Variants in SLC45A3 observed in about 807,000 individuals in gnomAD.
SLC45A3 encodes the protein solute carrier family 45 member 3.
In SLC45A3, 17 loss-of-function variants were observed where a neutral mutation model predicts 35.3. That is an observed-to-expected ratio of 0.48 (90% CI 0.33 to 0.72). The LOEUF is 0.72. Among genes scored for constraint, SLC45A3 ranks in the 30% least tolerant of loss-of-function variants. The pLI is 0.02. For missense variants in SLC45A3, 597 were observed against 731.7 expected (o/e 0.82, Z 2.12); for synonymous variants, 288 against 334.3 (o/e 0.86, Z 1.51).
In SLC45A3 at chr1:205,658,734, C is replaced by T. The variant is rs1328856816; in HGVS notation, c.*500G>A. 4.2e-6 allele frequency: 1 copy of T among 238,854 alleles called. No homozygotes were observed. The highest frequency in any genetic ancestry group is 2.2e-5 in the African/African-American group (1 of 45,326). 14.8% of individuals were successfully genotyped at this position (238,854 alleles called of 1,614,324 possible). ...CTCAGGACTCTTCCCCTACAAATAACTTTCATATGTTCAAATCCCATGGAG... is the reference window on the plus strand; with the variant it reads ...CTCAGGACTCTTCCCCTACAAATAATTTTCATATGTTCAAATCCCATGGAG... On this transcript the variant is annotated 3_prime_UTR_variant, in exon 5 of 5. Coordinates refer to ENST00000367145, the MANE Select transcript of SLC45A3 (RefSeq NM_033102.3).
intron 4 of SLC45A3, 108 bp downstream of exon 4, chr1:205,661,753 A>C (rs1671027753): frequency 2.1e-6 from 3 of 1,456,714 alleles, no homozygotes; most frequent in African/African-American, 2.8e-5. Context: ...TGATTCAAAG[A>C]AGCATTCTCC....
At position 205,662,521 on chromosome 1, in the gene SLC45A3, A is replaced by C; in HGVS notation, c.958+312T>G. 1 of 1,291,832 alleles carries C rather than the reference A, an allele frequency of 7.7e-7. No homozygotes were observed. Among genetic ancestry groups the C allele is most frequent in the Non-Finnish European group, 9.8e-7 (1 of 1,021,124 alleles). 80.0% of individuals were successfully genotyped at this position (1,291,832 alleles called of 1,614,324 possible). On this transcript the variant is annotated intron_variant, in intron 3 of 4. Transcript: ENST00000367145. This position sits in a 1 kb window ranked among gnomAD's most constrained non-coding sequence, Gnocchi z 6.2. ...GGAGCAGAGGGCACACTGCGGCTGG[A>C]ACCAGGCAGATCTGAAATCCAGCCT...
intron 1 of SLC45A3, among the ~76,000 whole-genome samples, chr1:205,667,599 G>A (rs963034267): frequency 2.0e-5 from 3 of 152,166 alleles, no homozygotes; most frequent in African/African-American, 4.8e-5. Context: ...TCAGGAGGCT[G>A]AGGTGGGAGG....
chr1:205,676,252 G>A (rs1369193426), intron 1 of SLC45A3, among the ~76,000 whole-genome samples: 4 of 152,132 alleles, frequency 2.6e-5, no homozygotes, highest in East Asian at 1.9e-4. Context: ...GGGCAGGGGG[G>A]CACACAGCGA....
intron 1 of SLC45A3, among the ~76,000 whole-genome samples, chr1:205,671,597 G>A (rs986224176): frequency 5.9e-5 from 9 of 152,162 alleles, no homozygotes; most frequent in Admixed American, 3.3e-4. Context: ...GGTGGCTCAC[G>A]CCTGTAATCC....
intron 1 of SLC45A3, among the ~76,000 whole-genome samples, chr1:205,676,688 G>A (rs920017945): frequency 2.0e-5 from 3 of 152,184 alleles, no homozygotes; most frequent in African/African-American, 7.2e-5. Flanking sequence ...CCGTGGAGGG[G>A]AAAACACAGA....
At chr1:205,678,260 T>G (rs1352249904) in intron 1 of SLC45A3, among the ~76,000 whole-genome samples, 1 of 152,158 alleles carries the variant, frequency 6.6e-6, no homozygotes, top group Admixed American at 6.5e-5. Context: ...GAGGCTGCAG[T>G]GAGCTGAGAT....
rs1671166188 is a variant in SLC45A3, at chr1:205,669,225, A to G, written c.-230-4339T>C. Among the ~76,000 whole-genome samples, 1 of 151,940 alleles carries G rather than the reference A, an allele frequency of 6.6e-6. No homozygotes were observed. Among genetic ancestry groups the G allele is most frequent in the Non-Finnish European group, 1.5e-5 (1 of 67,994 alleles). ...CAAAGGTGGTGAGTGGCTCAGATAA[A>G]CCCTCCTGGACTGGAAAGCCCCCAC... On this transcript the variant is annotated intron_variant, in intron 1 of 4. Transcript: ENST00000367145. The surrounding 1 kb of genome is among the most constrained non-coding windows in gnomAD (Gnocchi z 4.1).
chr1:205,660,016 G>A (rs1029834010), intron 4 of SLC45A3, among the ~76,000 whole-genome samples: 12 of 152,282 alleles, frequency 7.9e-5, no homozygotes, highest in South Asian at 4.2e-4. Flanking sequence ...GAATGAAGAC[G>A]GTGGTAAGAG....
intron 1 of SLC45A3, among the ~76,000 whole-genome samples, chr1:205,674,153 A>G (rs1449428161): frequency 7.1e-6 from 1 of 141,392 alleles, no homozygotes; most frequent in African/African-American, 2.6e-5. Flanking sequence ...CCTAGAGGGA[A>G]TGGCCATGTT....
At position 205,663,275 on chromosome 1, in the gene SLC45A3, G is replaced by A. The variant is rs1342666522; in HGVS notation, c.516C>T (p.Gly172=). ...TGGCAGGCAGGAGGTAGCCCAGGCA[G>A]CCCCCAAGACTGATCATGAAGGCAT... ...SVYAFMISLG[G]CLGYLLPAID... is the part of the protein sequence containing the mutation. Residue 172 remains glycine (G), a synonymous_variant, in exon 3 of 5, where the codon GGC becomes GGT. Transcript: ENST00000367145. The A allele has an allele frequency of 1.2e-6, 2 of 1,613,562 alleles. No homozygotes were observed. Among genetic ancestry groups the A allele is most frequent in the East Asian group, 2.2e-5 (1 of 44,884 alleles).
At position 205,659,872 on chromosome 1, in the gene SLC45A3, G is replaced by A. The variant is rs1003374470; in HGVS notation, c.1225-201C>T. ...TCCTCAGGAGTGGGAGAAGGGTAAC[G>A]GGGTAGGGCGGGGACAAATGTGAAC... On this transcript the variant is annotated intron_variant, in intron 4 of 4. Coordinates refer to ENST00000367145, the MANE Select transcript of SLC45A3 (RefSeq NM_033102.3). The surrounding 1 kb of genome is among the most constrained non-coding windows in gnomAD (Gnocchi z 5.8). Among the ~76,000 whole-genome samples, 4 of 152,130 alleles carry A rather than the reference G, an allele frequency of 2.6e-5. No individual in the cohort carries two copies. The highest frequency in any genetic ancestry group is 5.9e-5 in the Non-Finnish European group (4 of 68,012).
At chr1:205,671,864 T>TCAAA (rs10685982) in intron 1 of SLC45A3, among the ~76,000 whole-genome samples, 136,285 of 151,434 alleles carry the variant, frequency 0.9, 63,012 homozygotes, top group East Asian at 1. Context: ...TGACTCTGTC[T>TCAAA]CAAACAAACA....
At chr1:205,673,093 C>T (rs1671246162) in intron 1 of SLC45A3, among the ~76,000 whole-genome samples, 1 of 152,146 alleles carries the variant, frequency 6.6e-6, no homozygotes, top group South Asian at 2.1e-4. Context: ...TCTCAGGTAC[C>T]AACACAGTGC....
rs573157231 is a variant in SLC45A3, at chr1:205,669,674, G to T, written c.-230-4788C>A. Among the ~76,000 whole-genome samples, 38 of 152,270 alleles carry T rather than the reference G, an allele frequency of 2.5e-4. No homozygotes were observed. Among genetic ancestry groups the T allele is most frequent in the African/African-American group, 8.7e-4 (36 of 41,570 alleles). On this transcript the variant is annotated intron_variant, in intron 1 of 4. Coordinates refer to ENST00000367145, the MANE Select transcript of SLC45A3 (RefSeq NM_033102.3). The surrounding 1 kb of genome is among the most constrained non-coding windows in gnomAD (Gnocchi z 4.1). ...CTGACCCCGCAGGCTCAGCGACCCT[G>T]CGTGTTCCCTGCACACTCACAAAGA...
chr1:205,673,069 A>T (rs1671245804), intron 1 of SLC45A3, among the ~76,000 whole-genome samples: 1 of 152,058 alleles, frequency 6.6e-6, no homozygotes, highest in African/African-American at 2.4e-5. Flanking sequence ...CCCATCCTTC[A>T]CCTGCCCACA....
In SLC45A3 at chr1:205,669,867, C is replaced by T. The variant is rs1352526176; in HGVS notation, c.-230-4981G>A. Among the ~76,000 whole-genome samples the T allele has an allele frequency of 1.3e-5, 2 of 152,184 alleles. No homozygotes were observed. Among genetic ancestry groups the T allele is most frequent in the Non-Finnish European group, 2.9e-5 (2 of 68,026 alleles). On this transcript the variant is annotated intron_variant, in intron 1 of 4. Coordinates refer to ENST00000367145, the MANE Select transcript of SLC45A3 (RefSeq NM_033102.3). The surrounding 1 kb of genome is among the most constrained non-coding windows in gnomAD (Gnocchi z 4.1). ...CCTGGGCCAACCTCCCGGACACACACCCCACCAAGGCTGCCCTGCCCCAGG... is the reference window on the plus strand; with the variant it reads ...CCTGGGCCAACCTCCCGGACACACATCCCACCAAGGCTGCCCTGCCCCAGG...
intron 1 of SLC45A3, among the ~76,000 whole-genome samples, chr1:205,674,299 A>G (rs1448963649): frequency 6.6e-6 from 1 of 152,160 alleles, no homozygotes; most frequent in Non-Finnish European, 1.5e-5. Flanking sequence ...AGAGAAAAGC[A>G]CAACAGGCTG....
chr1:205,670,332 G>T (rs1289324042), intron 1 of SLC45A3, among the ~76,000 whole-genome samples: 1 of 152,160 alleles, frequency 6.6e-6, no homozygotes, highest in Non-Finnish European at 1.5e-5. Flanking sequence ...CTCAGTCTTT[G>T]ATTCTCTGGG....
Sources: gnomAD v4.1 joint callset for allele counts (sites outside exome capture counted in the v4.1 genomes callset) on GRCh38, gnomAD v4.1.1 for gene constraint, Gnocchi (gnomAD v3.1) non-coding constraint, MANE v1.5 for transcripts, NCBI Gene and HGNC (gene_info 2026-07-23, HGNC 2026-07-21) for gene names.